The following EPHA4 variants were observed in gnomAD, a reference collection of about 807,000 sequenced individuals.
EPHA4 encodes the protein EPH receptor A4, also known as ephrin type-A receptor 4.
EPHA4 carries 19 observed loss-of-function variants against 108.3 expected under a neutral mutation model. The observed-to-expected ratio is 0.18, with a 90% CI of 0.12 to 0.26. The LOEUF is 0.26. Among genes scored for constraint, EPHA4 ranks in the 10% least tolerant of loss-of-function variants. The probability of loss-of-function intolerance (pLI) is 1.00; values close to 1 mark genes in which losing one functional copy is unlikely to be tolerated. For missense variants in EPHA4, 917 were observed against 1,254.0 expected (o/e 0.73, Z 4.06); for synonymous variants, 449 against 455.5 (o/e 0.99, Z 0.18).
chr2:221,494,957 C>T (rs983698614), intron 4 of EPHA4, among the ~76,000 whole-genome samples: 1 of 149,884 alleles, frequency 6.7e-6, no homozygotes, highest in African/African-American at 2.5e-5. Context: ...TTAATGGCAG[C>T]CCTGAATGTG....
rs1690162269 is a variant in EPHA4 at position 221,434,184 on chromosome 2, C to T, written c.2454G>A (p.Met818Ile). ...WSYGIVMWEV[M>I]SYGERPYWDM... ...CCCAATAGGGCCTCTCCCCGTACGA[C>T]ATCACTTCCCACATAACGATTCCAT... The change falls in exon 14 of 18, where the codon ATG becomes ATA. Residue 818 changes from methionine to isoleucine, a missense_variant. Coordinates refer to ENST00000281821, the MANE Select transcript of EPHA4 (RefSeq NM_004438.5). 1 of 1,614,044 alleles carries T rather than the reference C, an allele frequency of 6.2e-7. No individual in the cohort carries two copies. The highest frequency in any genetic ancestry group is 1.3e-5 in the African/African-American group (1 of 74,940).
intron 7 of EPHA4, 79 bp downstream of exon 7, chr2:221,456,534 T>A: frequency 6.8e-7 from 1 of 1,463,736 alleles, no homozygotes; most frequent in Middle Eastern, 2.0e-4. Flanking sequence ...AGACAACTCC[T>A]TAGATTTCAC....
intron 17 of EPHA4, among the ~76,000 whole-genome samples, chr2:221,424,711 G>C (rs1481549726): frequency 6.6e-6 from 1 of 152,182 alleles, no homozygotes; most frequent in Non-Finnish European, 1.5e-5. Context: ...CCCTGTTTGG[G>C]GATGGAGTTT....
At chr2:221,537,170 C>A (rs573393213) in intron 3 of EPHA4, among the ~76,000 whole-genome samples, 14 of 152,218 alleles carry the variant, frequency 9.2e-5, no homozygotes, top group African/African-American at 2.2e-4. Flanking sequence ...ACAAGCAAGG[C>A]CCAAAAAACA....
At chr2:221,552,029 CA>C (rs1471163078) in intron 3 of EPHA4, among the ~76,000 whole-genome samples, 1 of 152,112 alleles carries the variant, frequency 6.6e-6, no homozygotes. Context: ...AATGAAATCT[CA>C]ATCTCTCCCA....
At chr2:221,465,409 T>C (rs1021907752) in intron 5 of EPHA4, among the ~76,000 whole-genome samples, 12 of 152,136 alleles carry the variant, frequency 7.9e-5, no homozygotes, top group African/African-American at 2.9e-4. Context: ...AGAGAGCTAT[T>C]GGTTAAATTT....
chr2:221,432,005 A>AC (rs1359517456), intron 14 of EPHA4, among the ~76,000 whole-genome samples: 1 of 152,162 alleles, frequency 6.6e-6, no homozygotes, highest in Admixed American at 6.5e-5. Flanking sequence ...ATAGAATCCA[A>AC]CACAGAGACA....
Position 221,453,951 on chromosome 2 carries a change from C to A in EPHA4, c.1715+1596G>T, listed in dbSNP as rs546011190. ...CAGCACTTTGGGAGGCCGAGGCAGG[C>A]GGATCACTTGAGGTCAGGAGTTTGA... On this transcript the variant is annotated intron_variant, in intron 8 of 17. Transcript: ENST00000281821. Among the ~76,000 whole-genome samples, 26 of 151,962 alleles carry A rather than the reference C, an allele frequency of 1.7e-4. No homozygotes were observed. In the East Asian group the frequency reaches 3.7e-3, roughly 22 times the overall value.
chr2:221,451,617 C>G (rs138305572), intron 8 of EPHA4, among the ~76,000 whole-genome samples: 1,753 of 152,222 alleles, frequency 0.012, 34 homozygotes, highest in African/African-American at 0.039. Context: ...CTGCCTTAAA[C>G]TAACCTAGAT....
Position 221,442,292 on chromosome 2 carries a change from C to T in EPHA4, c.2074+537G>A, listed in dbSNP as rs897952500. 6.6e-5 allele frequency among the ~76,000 whole-genome samples: 10 copies of T among 152,274 alleles called. 1 individual carries two copies. The highest frequency in any genetic ancestry group is 6.2e-4 in the South Asian group (3 of 4,812). Reference sequence around the variant, plus strand: ...TTAACTGAAGCGTGGTTCATAGGCTCAGCGAATGCTAATGGACTAAAAAAG... The same window carrying T: ...TTAACTGAAGCGTGGTTCATAGGCTTAGCGAATGCTAATGGACTAAAAAAG... On this transcript the variant is annotated intron_variant, in intron 11 of 17. Transcript: ENST00000281821.
At chr2:221,452,574 G>A (rs966652275) in intron 8 of EPHA4, among the ~76,000 whole-genome samples, 11 of 152,310 alleles carry the variant, frequency 7.2e-5, no homozygotes, top group Non-Finnish European at 1.0e-4. Flanking sequence ...GGCTCCGGGC[G>A]GCCTTTCCCA....
intron 5 of EPHA4, among the ~76,000 whole-genome samples, chr2:221,469,636 T>C (rs1691416388): frequency 6.6e-6 from 1 of 152,178 alleles, no homozygotes; most frequent in Non-Finnish European, 1.5e-5. Context: ...TCCACTGTCT[T>C]CCAAGTTGAA....
chr2:221,443,462 C>G, intron 10 of EPHA4, 31 bp downstream of exon 10: 1 of 1,503,764 alleles, frequency 6.6e-7, no homozygotes. Context: ...AGAAAACAGA[C>G]TCATTAGCAG....
chr2:221,470,143 G>A (rs1005469465), intron 5 of EPHA4, among the ~76,000 whole-genome samples: 2 of 152,068 alleles, frequency 1.3e-5, no homozygotes, highest in Non-Finnish European at 2.9e-5. Context: ...TCCTGACAAG[G>A]CCAGAGAGTC....
chr2:221,507,207 C>T (rs1359670471), intron 3 of EPHA4, among the ~76,000 whole-genome samples: 1 of 152,192 alleles, frequency 6.6e-6, no homozygotes, highest in Admixed American at 6.5e-5. Flanking sequence ...TCGTCTGTTA[C>T]TCTGCAGTGC....
intron 5 of EPHA4, among the ~76,000 whole-genome samples, chr2:221,460,675 T>C (rs1012420363): frequency 2.0e-5 from 3 of 152,206 alleles, no homozygotes; most frequent in Non-Finnish European, 4.4e-5. Context: ...AAGCCACATA[T>C]GGGCTTTTCC....
intron 13 of EPHA4, among the ~76,000 whole-genome samples, chr2:221,436,058 A>T (rs1282452122): frequency 2.6e-5 from 4 of 151,956 alleles, no homozygotes; most frequent in Non-Finnish European, 4.4e-5. Context: ...GTGTAAACTG[A>T]TCCTTAATGC....
At chr2:221,572,035 G>T in intron 1 of EPHA4, 123 bp downstream of exon 1, 3 of 805,556 alleles carry the variant, frequency 3.7e-6, no homozygotes, top group Non-Finnish European at 6.2e-6. Context: ...CCCTTCTCCC[G>T]AATCGGGACG....
chr2:221,540,065 G>T (rs753354141), intron 3 of EPHA4, among the ~76,000 whole-genome samples: 1 of 152,076 alleles, frequency 6.6e-6, no homozygotes, highest in Non-Finnish European at 1.5e-5. Flanking sequence ...AATTACAGGT[G>T]TGTGCCACCA....
Sources: allele counts gnomAD v4.1 joint callset (sites outside exome capture counted in the v4.1 genomes callset), GRCh38; gene constraint gnomAD v4.1.1; transcripts MANE v1.5; gene names NCBI Gene and HGNC (gene_info 2026-07-23, HGNC 2026-07-21).